PPP6R3: variants seen among roughly 807,000 people sequenced by gnomAD.
PPP6R3 encodes the protein protein phosphatase 6 regulatory subunit 3, also known as serine/threonine-protein phosphatase 6 regulatory subunit 3.
In PPP6R3, 38 loss-of-function variants were observed where a neutral mutation model predicts 110.7. The observed-to-expected ratio is 0.34, with a 90% CI of 0.26 to 0.45. The LOEUF (loss-of-function observed/expected upper bound fraction) is 0.45. Among genes scored for constraint, PPP6R3 ranks in the 20% least tolerant of loss-of-function variants. The pLI, the probability that PPP6R3 is intolerant of heterozygous loss-of-function variation, is 1.00. For missense variants in PPP6R3, 870 were observed against 1,062.4 expected, an observed-to-expected ratio of 0.82 and a Z score of 2.52; for synonymous variants, 369 against 373.5, an observed-to-expected ratio of 0.99 and a Z score of 0.14.
chr11:68,519,225 G>A (rs978051283), intron 1 of PPP6R3, among the ~76,000 whole-genome samples: 4 of 152,152 alleles, frequency 2.6e-5, no homozygotes, highest in African/African-American at 7.2e-5. Flanking sequence ...GTAAGAATAT[G>A]TATTTTTCTT....
At chr11:68,594,265 G>GA (rs2099604654) in intron 18 of PPP6R3, among the ~76,000 whole-genome samples, 11 of 136,956 alleles carry the variant, frequency 8.0e-5, no homozygotes, top group Admixed American at 2.2e-4. Context: ...TAAAAAAGGG[G>GA]GAGAGAGAGA....
At chr11:68,472,552 C>CTAG (rs746543938) in intron 1 of PPP6R3, among the ~76,000 whole-genome samples, 1 of 151,430 alleles carries the variant, frequency 6.6e-6, no homozygotes, top group Non-Finnish European at 1.5e-5. Context: ...TACATCCTTG[C>CTAG]TAGCCCTTGG....
chr11:68,477,664 C>T (rs1026723216), intron 1 of PPP6R3, among the ~76,000 whole-genome samples: 1 of 147,198 alleles, frequency 6.8e-6, no homozygotes, highest in African/African-American at 2.5e-5. Flanking sequence ...GAGGTCGAGG[C>T]TGCAGTAAGC....
chr11:68,492,978 T>G (rs1334919414), intron 1 of PPP6R3, among the ~76,000 whole-genome samples: 2 of 152,214 alleles, frequency 1.3e-5, no homozygotes, highest in Non-Finnish European at 2.9e-5. Flanking sequence ...TCTCCAGCCT[T>G]TCTTATTTTC....
At chr11:68,581,384 G>A (rs968714672) in intron 14 of PPP6R3, among the ~76,000 whole-genome samples, 1 of 152,190 alleles carries the variant, frequency 6.6e-6, no homozygotes, top group Non-Finnish European at 1.5e-5. Context: ...AGGAAAAAGC[G>A]AAAGTGTGAA....
intron 10 of PPP6R3, among the ~76,000 whole-genome samples, chr11:68,568,598 C>T (rs143255016): frequency 4.5e-4 from 68 of 152,200 alleles, no homozygotes; most frequent in African/African-American, 1.5e-3. Flanking sequence ...CCTCTCGTAT[C>T]CTCATTTGTT....
intron 1 of PPP6R3, among the ~76,000 whole-genome samples, chr11:68,477,746 A>ATATATATATG (rs2098845592): frequency 8.6e-6 from 1 of 116,222 alleles, no homozygotes; most frequent in Non-Finnish European, 1.8e-5. Context: ...AAAAAAATAT[A>ATATATATATG]TATATATATA....
intron 12 of PPP6R3, among the ~76,000 whole-genome samples, chr11:68,573,114 TTATA>T (rs60848718): frequency 0.045 from 2,759 of 61,698 alleles, 101 homozygotes; most frequent in East Asian, 0.18. Context: ...TTTACTTATT[TTATA>T]TATATATATA....
At chr11:68,534,873 C>T (rs541739050) in intron 2 of PPP6R3, among the ~76,000 whole-genome samples, 10 of 152,308 alleles carry the variant, frequency 6.6e-5, no homozygotes, top group East Asian at 1.9e-4. Flanking sequence ...CCTCAGACAG[C>T]GAACCACTTC....
chr11:68,465,230 C>G (rs1443140660), intron 1 of PPP6R3, among the ~76,000 whole-genome samples: 1 of 152,104 alleles, frequency 6.6e-6, no homozygotes, highest in Non-Finnish European at 1.5e-5. Context: ...GAGAATTAGC[C>G]CTGGATCAGT....
At chr11:68,500,151 TTAAAAA>T (rs893334081) in intron 1 of PPP6R3, among the ~76,000 whole-genome samples, 12 of 152,212 alleles carry the variant, frequency 7.9e-5, no homozygotes, top group Non-Finnish European at 1.3e-4. Flanking sequence ...GCCTCACATC[TTAAAAA>T]TAAAATGAAC....
chr11:68,531,009 A>G (rs146251466), intron 2 of PPP6R3, among the ~76,000 whole-genome samples: 174 of 152,266 alleles, frequency 1.1e-3, no homozygotes, highest in African/African-American at 3.7e-3. Context: ...ATGGTATGGT[A>G]TGTTCTGCCT....
intron 3 of PPP6R3, among the ~76,000 whole-genome samples, chr11:68,541,641 A>G (rs935880834): frequency 2.0e-5 from 3 of 152,168 alleles, no homozygotes; most frequent in Admixed American, 6.5e-5. Flanking sequence ...GACAGAGGAC[A>G]TGTAAAGCCA....
chr11:68,511,742 A>G (rs1200000305), intron 1 of PPP6R3, among the ~76,000 whole-genome samples: 1 of 142,606 alleles, frequency 7.0e-6, no homozygotes, highest in African/African-American at 2.7e-5. Context: ...CGGCCTCCCA[A>G]AGTGCTGGGA....
chr11:68,593,796 G>T (rs751825042), intron 18 of PPP6R3, among the ~76,000 whole-genome samples: 2 of 152,042 alleles, frequency 1.3e-5, no homozygotes, highest in Non-Finnish European at 2.9e-5. Context: ...AGGCAGATGG[G>T]TTGCTTGAGC....
At chr11:68,504,851 C>T (rs768531946) in intron 1 of PPP6R3, among the ~76,000 whole-genome samples, 3 of 152,142 alleles carry the variant, frequency 2.0e-5, no homozygotes, top group Non-Finnish European at 4.4e-5. Flanking sequence ...TGTGTTTTTA[C>T]GTGTGGACTA....
Position 68,575,949 on chromosome 11 carries a change from ACT to A in PPP6R3, c.1460-6_1460-5del, listed in dbSNP as rs753449522. The A allele has an allele frequency of 6.6e-5, 105 of 1,597,322 alleles. No individual in the cohort carries two copies. In the Middle Eastern group the frequency reaches 2.7e-3, roughly 41 times the overall value. On this transcript the variant is annotated splice_region_variant and splice_polypyrimidine_tract_variant and intron_variant, in intron 13 of 23. Coordinates refer to ENST00000393800, the MANE Select transcript of PPP6R3 (RefSeq NM_001164161.2). Reference sequence around the variant, plus strand: ...GTGATAATGCTTTTTTGCTTTTCTCACTCTGAAGATCTTCCCGACGAAGTCAG... The same window carrying A: ...GTGATAATGCTTTTTTGCTTTTCTCACTGAAGATCTTCCCGACGAAGTCAG...
intron 1 of PPP6R3, among the ~76,000 whole-genome samples, chr11:68,464,258 A>G (rs1381213899): frequency 6.6e-6 from 1 of 151,882 alleles, no homozygotes; most frequent in African/African-American, 2.4e-5. Context: ...CAGCCTCCCT[A>G]GTGGCGGGGA....
rs1396260223 is a variant in PPP6R3, at chr11:68,613,227, A to G, written c.*110A>G. 5 of 1,510,500 alleles carry G rather than the reference A, an allele frequency of 3.3e-6. No individual in the cohort carries two copies. The highest frequency in any genetic ancestry group is 2.7e-6 in the Non-Finnish European group (3 of 1,131,242). The allele number at this position is 1,510,500 out of a possible 1,614,324, so 93.6% of individuals were successfully genotyped here. A position where few individuals can be genotyped will look rare whatever the true frequency, so the allele number is the denominator to read the frequency against. On this transcript the variant is annotated 3_prime_UTR_variant, in exon 24 of 24. Coordinates refer to ENST00000393800, the MANE Select transcript of PPP6R3 (RefSeq NM_001164161.2). ...CTGTCACTGCTGCACTCACTCTGCA[A>G]GGGATCAGGACCAGCAACCTTTATA...
Sources: allele counts gnomAD v4.1 joint callset (sites outside exome capture counted in the v4.1 genomes callset), GRCh38; gene constraint gnomAD v4.1.1; transcripts MANE v1.5; gene names NCBI Gene and HGNC (gene_info 2026-07-23, HGNC 2026-07-21).